Variants in GALK2 observed in about 807,000 individuals in gnomAD.
GALK2 encodes the protein galactokinase 2.
GALK2 carries 36 observed loss-of-function variants against 52.4 expected under a neutral mutation model. That is an observed-to-expected ratio of 0.69 (90% CI 0.53 to 0.91). GALK2 has a LOEUF of 0.91. GALK2 is among the 40% of genes least tolerant of loss of function. The pLI is 0.00. For missense variants in GALK2, 579 were observed against 559.1 expected (o/e 1.04, Z -0.36); for synonymous variants, 176 against 199.1 (o/e 0.88, Z 0.98).
At chr15:49,320,878 T>A (rs118188302) in intron 9 of GALK2, among the ~76,000 whole-genome samples, 2,582 of 152,300 alleles carry the variant, frequency 0.017, 35 homozygotes, top group Middle Eastern at 0.031. Flanking sequence ...GAAGTGGAAT[T>A]ATTTCTGCAG....
intron 3 of GALK2, among the ~76,000 whole-genome samples, chr15:49,363,919 A>ATTGAT (rs1441303997): frequency 6.6e-6 from 1 of 152,160 alleles, no homozygotes; most frequent in East Asian, 1.9e-4. Context: ...AATCACATTT[A>ATTGAT]TTGATTTGCA....
chr15:49,348,970 G>A (rs544537315), intron 3 of GALK2, among the ~76,000 whole-genome samples: 16 of 151,978 alleles, frequency 1.1e-4, no homozygotes, highest in East Asian at 3.9e-4. Flanking sequence ...TTATTCTTCC[G>A]TTGAGTCATG....
chr15:49,220,010 G>A (rs1163282279), intron 3 of GALK2, among the ~76,000 whole-genome samples: 6 of 144,870 alleles, frequency 4.1e-5, no homozygotes, highest in East Asian at 4.0e-4. Context: ...TTGTTGAAGC[G>A]TCTTCTCAAA....
At chr15:49,220,768 G>A (rs934249973) in intron 3 of GALK2, among the ~76,000 whole-genome samples, 3 of 152,024 alleles carry the variant, frequency 2.0e-5, no homozygotes, top group African/African-American at 7.2e-5. Flanking sequence ...ATTAGTAATA[G>A]CCATTCTAAC....
At chr15:49,202,716 C>G (rs2087888802) in intron 2 of GALK2, among the ~76,000 whole-genome samples, 1 of 152,126 alleles carries the variant, frequency 6.6e-6, no homozygotes, top group Admixed American at 6.5e-5. Context: ...GGATATATAC[C>G]TAGTAATGGG....
chr15:49,341,402 A>G (rs2040711301), intron 3 of GALK2, among the ~76,000 whole-genome samples: 1 of 151,994 alleles, frequency 6.6e-6, no homozygotes. Flanking sequence ...ATGTTTTTTC[A>G]TTTGTTTGTG....
rs566178336 is a variant in GALK2, at chr15:49,356,187, G to A, written c.427-11304G>A. Among the ~76,000 whole-genome samples the A allele has an allele frequency of 9.9e-4, 151 of 151,784 alleles. 5 individuals are homozygous for A. In the South Asian group the frequency reaches 0.028, roughly 28 times the overall value. ...CTAGGAAGAAACTGCATCAACTAAC[G>A]AGCAAAATAACCAGCTAACATCATA... On this transcript the variant is annotated intron_variant, in intron 3 of 3. Coordinates refer to the GALK2 transcript ENST00000558399.
intron 3 of GALK2, among the ~76,000 whole-genome samples, chr15:49,348,927 A>C (rs1309621268): frequency 1.3e-5 from 2 of 152,190 alleles, no homozygotes; most frequent in East Asian, 1.9e-4. Flanking sequence ...ACCTATTACT[A>C]ACTCTCCAGA....
intron 2 of GALK2, among the ~76,000 whole-genome samples, chr15:49,209,449 A>G (rs2088617531): frequency 6.6e-6 from 1 of 152,164 alleles, no homozygotes; most frequent in South Asian, 2.1e-4. Context: ...CTCATTTGGT[A>G]TGACATTAGC....
intron 3 of GALK2, among the ~76,000 whole-genome samples, chr15:49,360,579 G>C (rs1368052660): frequency 6.6e-6 from 1 of 151,306 alleles, no homozygotes; most frequent in Non-Finnish European, 1.5e-5. Flanking sequence ...CATAGACAAA[G>C]TATGAAGGGA....
intron 3 of GALK2, among the ~76,000 whole-genome samples, chr15:49,356,083 G>A (rs1227857282): frequency 1.3e-5 from 2 of 150,086 alleles, no homozygotes; most frequent in African/African-American, 2.5e-5. Context: ...AAGAGCTCCT[G>A]AAGGAAGCAC....
chr15:49,367,526 A>T (rs1221260264), exon 4 of GALK2: 1 of 1,606,960 alleles, frequency 6.2e-7, no homozygotes, highest in Non-Finnish European at 8.5e-7. Context: ...ATGCATCTTA[A>T]GATAATATAA....
rs58230206 is a variant in GALK2 at position 49,192,485 on chromosome 15, G to GTATATATATATA, written c.54-8648_54-8637dup. ...TCTGCAATGAATATTATATATATAT[G>GTATATATATATA]TATATATATATATATATATATATAT... On this transcript the variant is annotated intron_variant, in intron 1 of 9. Coordinates refer to ENST00000560031, the MANE Select transcript of GALK2 (RefSeq NM_002044.4). Among the ~76,000 whole-genome samples, 112 of 102,962 alleles carry GTATATATATATA rather than the reference G, an allele frequency of 1.1e-3. 6 individuals carry two copies. The highest frequency in any genetic ancestry group is 1.9e-3 in the African/African-American group (48 of 24,714). 67.5% of individuals were successfully genotyped at this position (102,962 alleles called of 152,430 possible). A position where few individuals can be genotyped will look rare whatever the true frequency, so the allele number is the denominator to read the frequency against.
At chr15:49,218,521 T>C (rs2089557663) in intron 3 of GALK2, among the ~76,000 whole-genome samples, 2 of 152,080 alleles carry the variant, frequency 1.3e-5, no homozygotes, top group South Asian at 4.1e-4. Context: ...GGAAAGAGCA[T>C]GAAGAATGAG....
chr15:49,322,411 C>T (rs528452759), intron 9 of GALK2, among the ~76,000 whole-genome samples: 1 of 152,268 alleles, frequency 6.6e-6, no homozygotes, highest in South Asian at 2.1e-4. Flanking sequence ...GTTGTCTGGT[C>T]CTTAAAGCTT....
chr15:49,224,204 GTTTA>G (rs150152335), intron 3 of GALK2, among the ~76,000 whole-genome samples: 56,225 of 151,686 alleles, frequency 0.37, 10,774 homozygotes, highest in East Asian at 0.58. Flanking sequence ...TTTTTTGCTT[GTTTA>G]TTTGTTTACA....
chr15:49,237,462 G>T (rs998998940), intron 4 of GALK2, among the ~76,000 whole-genome samples: 4 of 151,436 alleles, frequency 2.6e-5, no homozygotes, highest in Non-Finnish European at 5.9e-5. Flanking sequence ...TTTTGTTTTT[G>T]TTTTTTTGTT....
At chr15:49,281,310 T>A (rs1400919665) in intron 5 of GALK2, among the ~76,000 whole-genome samples, 5 of 152,202 alleles carry the variant, frequency 3.3e-5, no homozygotes, top group Non-Finnish European at 1.5e-5. Flanking sequence ...GAATGGTAAA[T>A]GATACAATTT....
At position 49,283,632 on chromosome 15, in the gene GALK2, G is replaced by T. The variant is rs1439993361; in HGVS notation, c.670G>T (p.Val224Leu). 6.2e-6 allele frequency: 10 copies of T among 1,614,034 alleles called. No homozygotes were observed. Among genetic ancestry groups the T allele is most frequent in the Non-Finnish European group, 8.5e-6 (10 of 1,179,908 alleles). ...DVKLPSGAVF[V>L]IANSCVEMNK... ...AAAACTCCCAAGTGGAGCAGTGTTT[G>T]TGATTGCCAACAGTTGTGTGGAGAT... Residue 224 changes from valine (V) to leucine (L), a missense_variant, in exon 7 of 10, where the codon GTG (valine) becomes TTG (leucine). By Grantham distance (32) the Val-to-Leu change is conservative. Coordinates refer to ENST00000560031, the MANE Select transcript of GALK2 (RefSeq NM_002044.4).
Sources: allele counts gnomAD v4.1 joint callset (sites outside exome capture counted in the v4.1 genomes callset), GRCh38; gene constraint gnomAD v4.1.1; transcripts MANE v1.5; gene names NCBI Gene and HGNC (gene_info 2026-07-23, HGNC 2026-07-21).